The following CMC1 variants were observed in gnomAD, a reference collection of about 807,000 sequenced individuals.
The protein encoded by CMC1 is COX assembly mitochondrial protein homolog.
In CMC1, 14 loss-of-function variants were observed where a neutral mutation model predicts 14.1. The ratio of observed to expected loss-of-function variants is 0.99; its 90% CI spans 0.66 to 1.55. The LOEUF is 1.55. Among genes scored for constraint, CMC1 ranks in the 40% most tolerant of loss-of-function variants. CMC1 has a pLI of 0.00. For synonymous variants in CMC1, 50 were observed against 38.4 expected (o/e 1.30, Z -1.12); for missense variants, 127 against 123.8 (o/e 1.03, Z -0.12).
At position 28,320,718 on chromosome 3, in the gene CMC1, A is replaced by T. The variant is rs1243031278; in HGVS notation, c.*1089A>T. On this transcript the variant is annotated 3_prime_UTR_variant, in exon 4 of 4. Transcript: ENST00000466830. ...CTTTAATCTTTCATTTTGAAAAGTT[A>T]TATTTCTAAGTGAATTACCATTCTG... is the stretch of plus-strand genomic sequence containing the variant. The T allele has an allele frequency of 6.6e-6, 1 of 151,570 alleles. No individual in the cohort carries two copies. The highest frequency in any genetic ancestry group is 2.4e-5 in the African/African-American group (1 of 41,366). 9.4% of individuals were successfully genotyped at this position (151,570 alleles called of 1,614,324 possible).
At chr3:28,281,266 T>C (rs1001604867) in intron 2 of CMC1, among the ~76,000 whole-genome samples, 1 of 152,214 alleles carries the variant, frequency 6.6e-6, no homozygotes, top group African/African-American at 2.4e-5. Flanking sequence ...CAAATAAATA[T>C]TCAAATTAAA....
intron 1 of CMC1, among the ~76,000 whole-genome samples, chr3:28,244,120 G>A (rs888922837): frequency 6.6e-6 from 1 of 152,226 alleles, no homozygotes; most frequent in Admixed American, 6.5e-5. Flanking sequence ...GAGGCTGCAA[G>A]TCCTCAAAGG....
chr3:28,245,101 A>G (rs1000270345), intron 1 of CMC1, among the ~76,000 whole-genome samples: 11 of 152,122 alleles, frequency 7.2e-5, no homozygotes, highest in African/African-American at 2.7e-4. Flanking sequence ...AGGTTCATTT[A>G]GCAAAATCTG....
chr3:28,303,150 A>G (rs1054010144), intron 2 of CMC1, among the ~76,000 whole-genome samples: 1 of 152,168 alleles, frequency 6.6e-6, no homozygotes, highest in Non-Finnish European at 1.5e-5. Context: ...AGTACCTAGT[A>G]TAGTAGTGCC....
chr3:28,324,499 T>A lies in CMC1; in HGVS notation c.*4870T>A. ...TAAATGTCAGTTTTCATTACATTTGTGATCATAAAATTCGATAACACTTCA... is the reference window on the plus strand; with the variant it reads ...TAAATGTCAGTTTTCATTACATTTGAGATCATAAAATTCGATAACACTTCA... On this transcript the variant is annotated 3_prime_UTR_variant, in exon 4 of 4. Transcript: ENST00000466830. The A allele has an allele frequency of 7.1e-7, 1 of 1,399,946 alleles. No individual in the cohort carries two copies. The highest frequency in any genetic ancestry group is 9.4e-7 in the Non-Finnish European group (1 of 1,064,250). 86.7% of individuals were successfully genotyped at this position (1,399,946 alleles called of 1,614,324 possible).
In CMC1 at chr3:28,319,667, A is replaced by G. The variant is rs1703122969; in HGVS notation, c.*38A>G. 1.3e-6 allele frequency: 2 copies of G among 1,552,158 alleles called. No homozygotes were observed. The highest frequency in any genetic ancestry group is 1.7e-6 in the Non-Finnish European group (2 of 1,149,152). On this transcript the variant is annotated 3_prime_UTR_variant, in exon 4 of 4. Transcript: ENST00000466830. Reference sequence around the variant, plus strand: ...ATGACATTCAGGAACTCTAATATTCATGGAAGTCATTTTATAGTCCTTAAA... The same window carrying G: ...ATGACATTCAGGAACTCTAATATTCGTGGAAGTCATTTTATAGTCCTTAAA...
rs111572145 is a variant in CMC1, at chr3:28,275,799, A to C, written c.109+12419A>C. 4.4e-3 allele frequency among the ~76,000 whole-genome samples: 671 copies of C among 152,172 alleles called. 6 individuals carry two copies. Among genetic ancestry groups the C allele is most frequent in the Middle Eastern group, 0.017 (5 of 294 alleles). On this transcript the variant is annotated intron_variant, in intron 2 of 3. Transcript: ENST00000466830. ...CCAGGGAGATCAGAGTTCTGTCCAT[A>C]AACCCCTGACTGGAACTGCTGAAAT...
chr3:28,243,253 G>T (rs141994769), intron 1 of CMC1, among the ~76,000 whole-genome samples: 38 of 151,980 alleles, frequency 2.5e-4, no homozygotes, highest in African/African-American at 8.2e-4. Flanking sequence ...ATGAGGTTTC[G>T]CCGTGTTCGC....
At chr3:28,309,436 C>T (rs890392626) in intron 2 of CMC1, among the ~76,000 whole-genome samples, 3 of 152,022 alleles carry the variant, frequency 2.0e-5, no homozygotes, top group Non-Finnish European at 2.9e-5. Flanking sequence ...CAACCTGGGC[C>T]ATCATGCACC....
chr3:28,295,867 T>C (rs544543928), intron 2 of CMC1, among the ~76,000 whole-genome samples: 4 of 152,118 alleles, frequency 2.6e-5, no homozygotes, highest in African/African-American at 9.6e-5. Flanking sequence ...AACCCACAGA[T>C]AAGGAATGGT....
intron 1 of CMC1, among the ~76,000 whole-genome samples, chr3:28,244,958 T>TG (rs1698740720): frequency 1.3e-5 from 2 of 151,786 alleles, no homozygotes; most frequent in Non-Finnish European, 2.9e-5. Context: ...GCCAGTTTTT[T>TG]TTTTTTTTTA....
In CMC1 at chr3:28,285,828, G is replaced by A. The variant is rs573745194; in HGVS notation, c.109+22448G>A. ...GTCGCCCAGGCTGGAGTGCAGTGGC[G>A]CGATCTTGGCTCACTGCAAGCTCTG... On this transcript the variant is annotated intron_variant, in intron 2 of 3. Coordinates refer to ENST00000466830, the MANE Select transcript of CMC1 (RefSeq NM_182523.2). Among the ~76,000 whole-genome samples, 385 of 150,428 alleles carry A rather than the reference G, an allele frequency of 2.6e-3. 2 individuals carry two copies. The highest frequency in any genetic ancestry group is 8.8e-3 in the African/African-American group (358 of 40,838).
intron 2 of CMC1, among the ~76,000 whole-genome samples, chr3:28,293,315 T>G (rs1293220193): frequency 1.3e-5 from 2 of 151,850 alleles, no homozygotes; most frequent in Admixed American, 1.3e-4. Flanking sequence ...GACTTTTTTT[T>G]TTTTTTCGAG....
intron 2 of CMC1, among the ~76,000 whole-genome samples, chr3:28,310,168 A>G (rs1427640197): frequency 6.6e-6 from 1 of 152,088 alleles, no homozygotes; most frequent in African/African-American, 2.4e-5. Flanking sequence ...TTCCCTCCTG[A>G]GTGTGTCTGA....
chr3:28,307,689 C>G (rs189264277), intron 2 of CMC1, among the ~76,000 whole-genome samples: 235 of 152,290 alleles, frequency 1.5e-3, no homozygotes, highest in African/African-American at 5.1e-3. Flanking sequence ...CTAATAATTG[C>G]AAAACATCTT....
At chr3:28,275,334 T>C (rs1161108760) in intron 2 of CMC1, among the ~76,000 whole-genome samples, 1 of 145,538 alleles carries the variant, frequency 6.9e-6, no homozygotes, top group Non-Finnish European at 1.5e-5. Flanking sequence ...GTTTGTTTTT[T>C]TTTTTTCTTT....
intron 2 of CMC1, among the ~76,000 whole-genome samples, chr3:28,297,465 A>G (rs1028141263): frequency 2.6e-5 from 4 of 152,034 alleles, no homozygotes; most frequent in African/African-American, 9.7e-5. Flanking sequence ...AGGTTCTACA[A>G]TGCTATTTAG....
chr3:28,324,421 C>T lies in CMC1; in HGVS notation c.*4792C>T. The T allele has an allele frequency of 1.3e-6, 2 of 1,528,226 alleles. No homozygotes were observed. The highest frequency in any genetic ancestry group is 1.8e-6 in the Non-Finnish European group (2 of 1,136,486). 94.7% of individuals were successfully genotyped at this position (1,528,226 alleles called of 1,614,324 possible). A position where few individuals can be genotyped will look rare whatever the true frequency, so the allele number is the denominator to read the frequency against. ...CAAGTGCAGTTTTGTGCTGTCTCTT[C>T]CAAGGTCTTCACTGCATCCTACAGG... On this transcript the variant is annotated 3_prime_UTR_variant, in exon 4 of 4. Coordinates refer to ENST00000466830, the MANE Select transcript of CMC1 (RefSeq NM_182523.2).
At chr3:28,281,977 C>A (rs1016040523) in intron 2 of CMC1, among the ~76,000 whole-genome samples, 1 of 152,036 alleles carries the variant, frequency 6.6e-6, no homozygotes, top group African/African-American at 2.4e-5. Context: ...AGAGTCAAGG[C>A]TGATTTTGGA....
Sources: gnomAD v4.1 joint callset for allele counts (sites outside exome capture counted in the v4.1 genomes callset) on GRCh38, gnomAD v4.1.1 for gene constraint, MANE v1.5 for transcripts, NCBI Gene and HGNC (gene_info 2026-07-23, HGNC 2026-07-21) for gene names.